Variants in EPHB1 observed in about 807,000 individuals in gnomAD.
EPHB1 encodes EPH receptor B1.
Under a neutral mutation model 94.4 loss-of-function variants are expected in EPHB1, and 30 were observed. The ratio of observed to expected loss-of-function variants is 0.32; its 90% confidence interval spans 0.24 to 0.43. The LOEUF is 0.43. Ranked by LOEUF, EPHB1 falls within the 20% of genes least tolerant of loss-of-function variation. The pLI, the probability that EPHB1 is intolerant of heterozygous loss-of-function variation, is 1.00. For missense variants in EPHB1, 1,055 were observed against 1,308.3 expected, an observed-to-expected ratio of 0.81 and a Z score of 2.99; for synonymous variants, 522 against 489.1, an observed-to-expected ratio of 1.07 and a Z score of -0.89.
At chr3:135,112,089 C>A (rs1008237031) in intron 4 of EPHB1, among the ~76,000 whole-genome samples, 1 of 152,188 alleles carries the variant, frequency 6.6e-6, no homozygotes, top group Non-Finnish European at 1.5e-5. Context: ...GGAAGCACAA[C>A]GTGGCTGGAG....
chr3:134,819,323 G>T (rs142622536), intron 1 of EPHB1, among the ~76,000 whole-genome samples: 9 of 152,194 alleles, frequency 5.9e-5, no homozygotes, highest in African/African-American at 1.7e-4. Flanking sequence ...GTCTTTCACG[G>T]GGCCAGCAGG....
chr3:134,820,408 C>T (rs2036357424), intron 1 of EPHB1, among the ~76,000 whole-genome samples: 1 of 152,230 alleles, frequency 6.6e-6, no homozygotes, highest in Non-Finnish European at 1.5e-5. Context: ...TCCTTCCTCC[C>T]TCCTTTCTTC....
rs183963986 is a variant in EPHB1, at chr3:135,076,210, T to C, written c.806-30238T>C. Among the ~76,000 whole-genome samples, 66 of 144,920 alleles carry C rather than the reference T, an allele frequency of 4.6e-4. 3 individuals carry two copies. The East Asian group carries it at 0.013, about 28-fold the overall frequency. ...GGTAAATTGGATTCGAGAAAAATATTTGTATATCATTTATCTGAAAAGGGA... is the reference window on the plus strand; with the variant it reads ...GGTAAATTGGATTCGAGAAAAATATCTGTATATCATTTATCTGAAAAGGGA... On this transcript the variant is annotated intron_variant, in intron 3 of 15. Transcript: ENST00000398015.
intron 10 of EPHB1, among the ~76,000 whole-genome samples, chr3:135,181,637 C>T (rs910629287): frequency 3.3e-5 from 5 of 152,166 alleles, no homozygotes; most frequent in African/African-American, 1.2e-4. Flanking sequence ...GCGATGTGTT[C>T]TGGACTGTAT....
At chr3:135,085,005 C>T (rs971633532) in intron 3 of EPHB1, among the ~76,000 whole-genome samples, 18 of 152,118 alleles carry the variant, frequency 1.2e-4, no homozygotes, top group African/African-American at 1.9e-4. Context: ...AGAACTTGCC[C>T]GCAACCTCAC....
At chr3:135,041,997 T>A (rs1161267051) in intron 3 of EPHB1, among the ~76,000 whole-genome samples, 1 of 152,218 alleles carries the variant, frequency 6.6e-6, no homozygotes, top group African/African-American at 2.4e-5. Context: ...TACAGTGGCA[T>A]GACCATGGCT....
At chr3:134,810,324 A>G (rs931112165) in intron 1 of EPHB1, among the ~76,000 whole-genome samples, 28 of 130,618 alleles carry the variant, frequency 2.1e-4, no homozygotes, top group African/African-American at 8.0e-4. Context: ...TATGCAGATG[A>G]TGTAGACAGA....
chr3:135,126,535 T>G (rs909847017), intron 4 of EPHB1, among the ~76,000 whole-genome samples: 2 of 152,184 alleles, frequency 1.3e-5, no homozygotes, highest in Non-Finnish European at 2.9e-5. Flanking sequence ...GCCCAGTACC[T>G]AATAAGAACT....
intron 1 of EPHB1, among the ~76,000 whole-genome samples, chr3:134,876,428 G>GA (rs1174306388): frequency 2.6e-5 from 4 of 152,148 alleles, no homozygotes; most frequent in African/African-American, 9.7e-5. Context: ...TCACAAAGCT[G>GA]AAAAAAATAC....
At chr3:135,114,767 A>AAATAAATAAAAC (rs1433806403) in intron 4 of EPHB1, among the ~76,000 whole-genome samples, 2 of 148,590 alleles carry the variant, frequency 1.3e-5, no homozygotes, top group Non-Finnish European at 1.5e-5. Context: ...ATAAATAAAT[A>AAATAAATAAAAC]AAACAATATT....
intron 12 of EPHB1, among the ~76,000 whole-genome samples, chr3:135,222,166 T>C (rs903313075): frequency 2.0e-5 from 3 of 152,200 alleles, no homozygotes; most frequent in Non-Finnish European, 2.9e-5. Context: ...AGTTCTCTAA[T>C]ATGGGGATAA....
chr3:135,217,687 A>G (rs574726516), intron 12 of EPHB1, among the ~76,000 whole-genome samples: 1 of 152,246 alleles, frequency 6.6e-6, no homozygotes, highest in African/African-American at 2.4e-5. Context: ...ACCCCTGAGC[A>G]GTGAGTTTGA....
intron 3 of EPHB1, among the ~76,000 whole-genome samples, chr3:135,056,434 C>T (rs1431543358): frequency 6.6e-6 from 1 of 152,222 alleles, no homozygotes; most frequent in East Asian, 1.9e-4. Flanking sequence ...TTTGAACTCT[C>T]TAGAGCCTCT....
At chr3:135,257,207 T>C (rs1240792981) in intron 15 of EPHB1, among the ~76,000 whole-genome samples, 1 of 152,118 alleles carries the variant, frequency 6.6e-6, no homozygotes, top group African/African-American at 2.4e-5. Context: ...GAAGCCTTCT[T>C]CTCTCAACTC....
intron 3 of EPHB1, among the ~76,000 whole-genome samples, chr3:134,961,921 T>C (rs1269482908): frequency 6.6e-6 from 1 of 152,380 alleles, no homozygotes; most frequent in Admixed American, 6.5e-5. Flanking sequence ...AATTTATTTA[T>C]TCAATGAATA....
At chr3:135,070,300 CTCCAGGTGGG>C (rs1196921370) in intron 3 of EPHB1, among the ~76,000 whole-genome samples, 1 of 152,174 alleles carries the variant, frequency 6.6e-6, no homozygotes, top group Non-Finnish European at 1.5e-5. Context: ...CCAGTCTTCA[CTCCAGGTGGG>C]TCTGACATTC....
chr3:135,037,622 C>T (rs1190602665), intron 3 of EPHB1, among the ~76,000 whole-genome samples: 5 of 152,182 alleles, frequency 3.3e-5, no homozygotes, highest in Admixed American at 2.6e-4. Context: ...CCCCACCGCC[C>T]ATCAGTGATG....
At chr3:135,010,425 A>G (rs1019674183) in intron 3 of EPHB1, among the ~76,000 whole-genome samples, 2 of 152,088 alleles carry the variant, frequency 1.3e-5, no homozygotes, top group African/African-American at 4.8e-5. Context: ...CTGTTCTTCC[A>G]CTATGGTTTC....
At position 134,951,682 on chromosome 3, in the gene EPHB1, C is replaced by T. The variant is rs7644369; in HGVS notation, c.435C>T (p.Ser145=). 730,818 of 1,613,704 alleles carry T rather than the reference C, an allele frequency of 0.45. 169,132 individuals carry two copies. The highest frequency in any genetic ancestry group is 0.62 in the African/African-American group (46,081 of 74,840). ...TAGACACCATTGCTGCAGATGAGAG[C>T]TTCTCCCAGGTGGACTTTGGGGGAA... ...LKVDTIAADE[S]FSQVDFGGRL... is the part of the protein sequence containing the mutation. Residue 145 remains serine, a synonymous_variant, in exon 3 of 16, where the codon AGC becomes AGT. Coordinates refer to ENST00000398015, the MANE Select transcript of EPHB1 (RefSeq NM_004441.5). The surrounding 1 kb of genome is among the most constrained non-coding windows in gnomAD (Gnocchi z 4.5).
Sources: allele counts gnomAD v4.1 joint callset (sites outside exome capture counted in the v4.1 genomes callset), GRCh38; gene constraint gnomAD v4.1.1; non-coding constraint Gnocchi (gnomAD v3.1); transcripts MANE v1.5; gene names NCBI Gene and HGNC (gene_info 2026-07-23, HGNC 2026-07-21).